FOXP2: variants seen among roughly 807,000 people sequenced by gnomAD.
The protein encoded by FOXP2 is forkhead box P2.
Under a neutral mutation model 115.8 loss-of-function variants are expected in FOXP2, and 12 were observed. The observed-to-expected ratio is 0.10, with a 90% confidence interval of 0.07 to 0.17. FOXP2 has a LOEUF of 0.17. Among genes scored for constraint, FOXP2 ranks in the 10% least tolerant of loss-of-function variants. FOXP2 has a pLI of 1.00. For missense variants in FOXP2, 629 were observed against 843.5 expected, an observed-to-expected ratio of 0.75 and a Z score of 3.15; for synonymous variants, 328 against 297.7, an observed-to-expected ratio of 1.10 and a Z score of -1.05.
intron 1 of FOXP2, among the ~76,000 whole-genome samples, chr7:114,165,394 AC>A (rs1399829055): frequency 6.6e-6 from 1 of 152,206 alleles, no homozygotes; most frequent in South Asian, 2.1e-4. Flanking sequence ...ATAATCAATA[AC>A]AACATAAACT....
chr7:114,618,879 G>T (rs1336709507), intron 3 of FOXP2, among the ~76,000 whole-genome samples: 2 of 152,074 alleles, frequency 1.3e-5, no homozygotes, highest in Non-Finnish European at 2.9e-5. Flanking sequence ...AGTTCATCTG[G>T]GTAAAGAGGC....
chr7:114,684,493 A>G (rs374837237), intron 16 of FOXP2, among the ~76,000 whole-genome samples: 57 of 152,332 alleles, frequency 3.7e-4, no homozygotes, highest in South Asian at 1.7e-3. Context: ...CTAGATATCT[A>G]TGTATGTGGC....
At chr7:114,532,842 G>C (rs756650879) in intron 2 of FOXP2, among the ~76,000 whole-genome samples, 10 of 151,736 alleles carry the variant, frequency 6.6e-5, no homozygotes, top group Non-Finnish European at 2.9e-5. Flanking sequence ...GAGAATTTCA[G>C]AGACACAGCC....
intron 16 of FOXP2, among the ~76,000 whole-genome samples, chr7:114,681,746 T>C (rs1230614976): frequency 6.6e-6 from 1 of 152,228 alleles, no homozygotes; most frequent in Non-Finnish European, 1.5e-5. Flanking sequence ...TGTGTTGTTT[T>C]ATTTCCTTTT....
intron 1 of FOXP2, among the ~76,000 whole-genome samples, chr7:114,421,996 A>T (rs1009689736): frequency 6.6e-6 from 1 of 151,732 alleles, no homozygotes; most frequent in African/African-American, 2.4e-5. Context: ...GTTTCTTGTT[A>T]CATATGTTAA....
intron 1 of FOXP2, among the ~76,000 whole-genome samples, chr7:114,220,744 T>G (rs1794600034): frequency 6.6e-6 from 1 of 152,204 alleles, no homozygotes; most frequent in African/African-American, 2.4e-5. Flanking sequence ...CATATAATAA[T>G]AGAAATATGT....
chr7:114,372,693 A>G (rs558747272), intron 2 of FOXP2, among the ~76,000 whole-genome samples: 2 of 152,122 alleles, frequency 1.3e-5, no homozygotes, highest in Admixed American at 6.5e-5. Flanking sequence ...CAAAGCTCCT[A>G]TTCATTTCAC....
At chr7:114,353,782 TG>T (rs1314366957) in intron 2 of FOXP2, among the ~76,000 whole-genome samples, 3 of 152,154 alleles carry the variant, frequency 2.0e-5, no homozygotes, top group Admixed American at 6.6e-5. Flanking sequence ...ATTACGATAC[TG>T]GTGCATAGCT....
intron 3 of FOXP2, among the ~76,000 whole-genome samples, chr7:114,590,845 A>G (rs896329986): frequency 6.6e-6 from 1 of 152,094 alleles, no homozygotes; most frequent in African/African-American, 2.4e-5. Context: ...AAAATCAGAC[A>G]ATCTGTTTCA....
At chr7:114,121,751 G>A (rs898823171) in intron 1 of FOXP2, among the ~76,000 whole-genome samples, 4 of 152,228 alleles carry the variant, frequency 2.6e-5, no homozygotes, top group South Asian at 2.1e-4. Flanking sequence ...AAGGAGATAT[G>A]GGGAGGTTAA....
At chr7:114,324,723 C>T (rs890275856) in intron 2 of FOXP2, among the ~76,000 whole-genome samples, 1 of 151,856 alleles carries the variant, frequency 6.6e-6, no homozygotes, top group African/African-American at 2.4e-5. Context: ...CCTTTATACT[C>T]TATCAGAATA....
At chr7:114,376,642 A>G (rs908372078) in intron 2 of FOXP2, among the ~76,000 whole-genome samples, 2 of 152,182 alleles carry the variant, frequency 1.3e-5, no homozygotes, top group African/African-American at 2.4e-5. Flanking sequence ...TTATGTGCCT[A>G]TGGTCCCAGC....
chr7:114,393,387 G>A (rs1792656295), intron 2 of FOXP2, among the ~76,000 whole-genome samples: 1 of 151,972 alleles, frequency 6.6e-6, no homozygotes, highest in African/African-American at 2.4e-5. Flanking sequence ...TGGAGCTACA[G>A]TGACCCAGAA....
At chr7:114,289,516 TAA>T (rs1359390538) in intron 2 of FOXP2, among the ~76,000 whole-genome samples, 1 of 151,904 alleles carries the variant, frequency 6.6e-6, no homozygotes, top group South Asian at 2.1e-4. Flanking sequence ...TTTTGATATA[TAA>T]GTTATTACTT....
intron 2 of FOXP2, among the ~76,000 whole-genome samples, chr7:114,480,705 A>C (rs939534721): frequency 6.6e-6 from 1 of 150,598 alleles, no homozygotes; most frequent in Non-Finnish European, 1.5e-5. Flanking sequence ...GCATATATAC[A>C]TATGTGCATG....
intron 3 of FOXP2, among the ~76,000 whole-genome samples, chr7:114,539,353 A>G (rs922314657): frequency 6.6e-6 from 1 of 151,974 alleles, no homozygotes; most frequent in Non-Finnish European, 1.5e-5. Flanking sequence ...TTTTAAATAT[A>G]ATGTAGAAGA....
At chr7:114,451,885 G>C (rs142097321) in intron 2 of FOXP2, among the ~76,000 whole-genome samples, 5 of 152,156 alleles carry the variant, frequency 3.3e-5, no homozygotes, top group Non-Finnish European at 7.4e-5. Flanking sequence ...GGTTGTATTT[G>C]AGTGATGACA....
intron 1 of FOXP2, among the ~76,000 whole-genome samples, chr7:114,284,057 G>A (rs1189937327): frequency 6.6e-6 from 1 of 152,100 alleles, no homozygotes; most frequent in Non-Finnish European, 1.5e-5. Context: ...ACAGAAGATA[G>A]GTCAAATGGT....
chr7:114,197,632 AT>A (rs1028602047), intron 1 of FOXP2, among the ~76,000 whole-genome samples: 2 of 152,086 alleles, frequency 1.3e-5, no homozygotes, highest in Admixed American at 6.5e-5. Flanking sequence ...TCATTGATTG[AT>A]TTTTTTCTAT....
Sources: allele counts gnomAD v4.1 joint callset (sites outside exome capture counted in the v4.1 genomes callset), GRCh38; gene constraint gnomAD v4.1.1; transcripts MANE v1.5; gene names NCBI Gene and HGNC (gene_info 2026-07-23, HGNC 2026-07-21).